Variants in ESR1 observed in about 807,000 individuals in gnomAD.
ESR1 encodes estrogen receptor 1, also known as estrogen receptor.
A neutral mutation model predicts 52.7 loss-of-function variants in ESR1; 12 were observed. The observed-to-expected ratio is 0.23, with a 90% CI of 0.15 to 0.37. The LOEUF is 0.37. Among genes scored for constraint, ESR1 ranks in the 10% least tolerant of loss-of-function variants. ESR1 has a pLI of 1.00. For missense variants in ESR1, 584 were observed against 779.7 expected (o/e 0.75, Z 2.99); for synonymous variants, 305 against 316.8 (o/e 0.96, Z 0.39).
chr6:151,837,063 T>A (rs1484048398), intron 1 of ESR1, among the ~76,000 whole-genome samples: 1 of 152,128 alleles, frequency 6.6e-6, no homozygotes, highest in Non-Finnish European at 1.5e-5. Context: ...GCTCTGTTTT[T>A]ACTTGGTCCA....
chr6:152,089,779 A>C lies in ESR1; in HGVS notation c.1370-4606A>C, dbSNP rs567500770. ...ATTTTAGTAGAGACAGGATTTCACCATGTTGGCCAGGATGGTCTTGAACTC... is the reference window on the plus strand; with the variant it reads ...ATTTTAGTAGAGACAGGATTTCACCCTGTTGGCCAGGATGGTCTTGAACTC... On this transcript the variant is annotated intron_variant, in intron 6 of 7. Coordinates refer to ENST00000206249, the MANE Select transcript of ESR1 (RefSeq NM_000125.4). 5.1e-4 allele frequency among the ~76,000 whole-genome samples: 77 copies of C among 152,282 alleles called. 2 individuals carry two copies. The highest frequency in any genetic ancestry group is 3.3e-3 in the Admixed American group (51 of 15,298).
At chr6:151,877,438 C>A (rs895130178) in intron 2 of ESR1, among the ~76,000 whole-genome samples, 4 of 152,112 alleles carry the variant, frequency 2.6e-5, no homozygotes, top group African/African-American at 9.7e-5. Flanking sequence ...ATTTATTAAA[C>A]TTTTCTTTTT....
At chr6:151,681,066 G>A (rs192094872) in intron 1 of ESR1, among the ~76,000 whole-genome samples, 112 of 152,230 alleles carry the variant, frequency 7.4e-4, no homozygotes, top group Non-Finnish European at 1.4e-3. Context: ...GATGGCTGCC[G>A]GGCACGTCCT....
intron 2 of ESR1, among the ~76,000 whole-genome samples, chr6:151,749,708 G>C (rs1019942143): frequency 2.7e-5 from 4 of 150,920 alleles, no homozygotes; most frequent in Non-Finnish European, 5.9e-5. Context: ...TTATTCTGGA[G>C]GAAGGGGATC....
rs1332084752 is a variant in ESR1 at position 151,739,860 on chromosome 6, A to AAGGC, written c.-71+37855_-71+37856insAGGC. On this transcript the variant is annotated intron_variant, in intron 2 of 2. Coordinates refer to the ESR1 transcript ENST00000404742. ...CTTAGCATTCTGGCCGCAGTCTTCT[A>AAGGC]CTACATGGTCCTTATTTGTCATCTC... Among the ~76,000 whole-genome samples, 4 of 152,252 alleles carry AAGGC rather than the reference A, an allele frequency of 2.6e-5. No individual in the cohort carries two copies. In the East Asian group the frequency reaches 5.8e-4, roughly 22 times the overall value.
At chr6:151,940,248 C>G (rs2034894836) in intron 3 of ESR1, among the ~76,000 whole-genome samples, 1 of 152,136 alleles carries the variant, frequency 6.6e-6, no homozygotes, top group Admixed American at 6.5e-5. Context: ...AAACCTGCCC[C>G]CATGATTCAG....
At chr6:152,043,667 C>A (rs1195836362) in intron 5 of ESR1, among the ~76,000 whole-genome samples, 1 of 152,180 alleles carries the variant, frequency 6.6e-6, no homozygotes, top group Non-Finnish European at 1.5e-5. Context: ...AGGTGAAAAG[C>A]CTGATGGCAG....
chr6:151,884,755 G>A (rs1793570230), intron 3 of ESR1, among the ~76,000 whole-genome samples: 1 of 152,192 alleles, frequency 6.6e-6, no homozygotes, highest in Admixed American at 6.5e-5. Flanking sequence ...TTCTATCCTA[G>A]TACATGTGCT....
intron 1 of ESR1, among the ~76,000 whole-genome samples, chr6:151,668,031 T>G (rs1193428560): frequency 6.6e-6 from 1 of 152,188 alleles, no homozygotes; most frequent in African/African-American, 2.4e-5. Flanking sequence ...ATCATGAAAA[T>G]GTAGCAAAGA....
intron 3 of ESR1, among the ~76,000 whole-genome samples, chr6:151,907,448 T>G (rs2128424350): frequency 6.6e-6 from 1 of 152,162 alleles, no homozygotes; most frequent in East Asian, 1.9e-4. Flanking sequence ...CTCATCTTAC[T>G]GATATTTTAA....
chr6:151,740,521 C>T (rs1453646705), intron 2 of ESR1, among the ~76,000 whole-genome samples: 1 of 151,930 alleles, frequency 6.6e-6, no homozygotes, highest in African/African-American at 2.4e-5. Context: ...ATGGCTCTCA[C>T]CTCCAGGAAA....
At position 152,061,192 on chromosome 6, in the gene ESR1, G is replaced by T; in HGVS notation, c.1369+68G>T. On this transcript the variant is annotated intron_variant, in intron 6 of 7. Transcript: ENST00000206249. The surrounding 1 kb of genome is among the most constrained non-coding windows in gnomAD (Gnocchi z 4.3). ...TTATTTGTAGTTTTCAACCAGATAC[G>T]ATCTACCCACTCCAAAGGCATAATG... 2.0e-6 allele frequency: 3 copies of T among 1,468,530 alleles called. No individual in the cohort carries two copies. Among genetic ancestry groups the T allele is most frequent in the Non-Finnish European group, 1.9e-6 (2 of 1,050,764 alleles). 91.0% of individuals were successfully genotyped at this position (1,468,530 alleles called of 1,614,324 possible).
At chr6:151,721,873 G>A (rs926109770) in intron 2 of ESR1, among the ~76,000 whole-genome samples, 61 of 152,310 alleles carry the variant, frequency 4.0e-4, no homozygotes, top group Middle Eastern at 3.4e-3. Flanking sequence ...ACAAATGTAC[G>A]TTGCATTGTA....
At chr6:151,776,074 T>C (rs960626736) in intron 2 of ESR1, among the ~76,000 whole-genome samples, 1 of 151,936 alleles carries the variant, frequency 6.6e-6, no homozygotes, top group Non-Finnish European at 1.5e-5. Context: ...TTGTTGCGAG[T>C]AAAAATGTTC....
At chr6:151,658,949 C>CTTAG (rs1777544978) in intron 1 of ESR1, among the ~76,000 whole-genome samples, 1 of 152,178 alleles carries the variant, frequency 6.6e-6, no homozygotes, top group Non-Finnish European at 1.5e-5. Context: ...CTGAAGATGG[C>CTTAG]CAGTCTAAGG....
intron 1 of ESR1, among the ~76,000 whole-genome samples, chr6:151,696,419 CTGAGA>C (rs1364632731): frequency 2.0e-5 from 3 of 151,832 alleles, no homozygotes; most frequent in Non-Finnish European, 2.9e-5. Context: ...TTGCAGTGAG[CTGAGA>C]TAACACCACT....
chr6:151,845,864 A>G (rs374754956), intron 2 of ESR1, among the ~76,000 whole-genome samples: 9 of 152,178 alleles, frequency 5.9e-5, no homozygotes, highest in African/African-American at 1.9e-4. Context: ...TCACTTATTC[A>G]TTGACTAGCT....
intron 6 of ESR1, chr6:152,125,170 A>C: frequency 7.0e-7 from 1 of 1,431,404 alleles, no homozygotes. Flanking sequence ...TCAGGCTTCC[A>C]AAATCCCTGC....
intron 1 of ESR1, among the ~76,000 whole-genome samples, chr6:151,660,342 T>A (rs1389656624): frequency 6.6e-6 from 1 of 152,232 alleles, no homozygotes; most frequent in Non-Finnish European, 1.5e-5. Context: ...TTCAGTATAG[T>A]TCAGTGGCTA....
Sources: allele counts gnomAD v4.1 joint callset (sites outside exome capture counted in the v4.1 genomes callset), GRCh38; gene constraint gnomAD v4.1.1; non-coding constraint Gnocchi (gnomAD v3.1); transcripts MANE v1.5; gene names NCBI Gene and HGNC (gene_info 2026-07-23, HGNC 2026-07-21).